Variants in KIAA2012 observed in about 807,000 individuals in gnomAD.
KIAA2012 encodes the protein KIAA2012, also known as uncharacterized protein KIAA2012.
In KIAA2012, 125 loss-of-function variants were observed where a neutral mutation model predicts 150.6. That is an observed-to-expected ratio of 0.83 (90% CI 0.72 to 0.96). KIAA2012 has a LOEUF of 0.96. KIAA2012 is among the 40% of genes least tolerant of loss of function. KIAA2012 has a pLI of 0.00. For synonymous variants in KIAA2012, 462 were observed against 504.7 expected (o/e 0.92, Z 1.13); for missense variants, 1,219 against 1,354.9 (o/e 0.90, Z 1.57).
At chr2:202,182,753 CT>C (rs769871533) in intron 15 of KIAA2012, among the ~76,000 whole-genome samples, 2 of 152,110 alleles carry the variant, frequency 1.3e-5, no homozygotes, top group South Asian at 4.1e-4. Flanking sequence ...AATTATTTTC[CT>C]TAGTGGTTGT....
intron 2 of KIAA2012, among the ~76,000 whole-genome samples, chr2:202,087,510 CAAA>C (rs59728832): frequency 0.11 from 5,573 of 52,216 alleles, 79 homozygotes; most frequent in East Asian, 0.23. Flanking sequence ...GAAACCATCT[CAAA>C]AAAAAAAAAA....
rs1038268583 is a variant in KIAA2012 at position 202,187,181 on chromosome 2, T to C, written c.2376+83T>C. On this transcript the variant is annotated intron_variant, in intron 17 of 23. Coordinates refer to ENST00000498697, the MANE Select transcript of KIAA2012 (RefSeq NM_001277372.4). ...TACCATGCACAGTTGTATAGATTGC[T>C]CACTATATGAGGGCACCCGATAAAG... 7 of 1,450,762 alleles carry C rather than the reference T, an allele frequency of 4.8e-6. No individual in the cohort carries two copies. The African/African-American group carries it at 7.1e-5, about 15-fold the overall frequency. The allele number at this position is 1,450,762 out of a possible 1,614,324, so 89.9% of individuals were successfully genotyped here.
At chr2:202,171,417 A>G (rs1054120925) in intron 15 of KIAA2012, among the ~76,000 whole-genome samples, 2 of 151,996 alleles carry the variant, frequency 1.3e-5, no homozygotes, top group African/African-American at 2.4e-5. Context: ...TATGGCTTCA[A>G]TAGCGCCGCT....
Position 202,188,319 on chromosome 2 carries a change from C to T in KIAA2012, c.2491+53C>T, listed in dbSNP as rs1225741027. On this transcript the variant is annotated intron_variant, in intron 18 of 23. Transcript: ENST00000498697. ...CCTGGAGAAGACTTCTGTTAGGGGT[C>T]GGGAGGTGGTATGGATAATTAGCAT... 16 of 1,421,124 alleles carry T rather than the reference C, an allele frequency of 1.1e-5. No homozygotes were observed. In the East Asian group the frequency reaches 1.7e-4, roughly 15 times the overall value. 88.0% of individuals were successfully genotyped at this position (1,421,124 alleles called of 1,614,324 possible).
Position 202,196,894 on chromosome 2 carries a change from C to T in KIAA2012, c.3282C>T (p.Tyr1094=). The change falls in exon 22 of 24, where the codon TAC becomes TAT. Residue 1094 remains tyrosine, a synonymous_variant. Coordinates refer to ENST00000498697, the MANE Select transcript of KIAA2012 (RefSeq NM_001277372.4). ...TGGCTGAAGAGGAACGACTGGAGTA[C>T]CAGCGGCGGAAACAGGAAGCAGAAG... is the stretch of plus-strand genomic sequence containing the variant. ...MEMAEEERLE[Y]QRRKQEAEEK... 6.4e-7 allele frequency: 1 copy of T among 1,550,560 alleles called. No homozygotes were observed. The highest frequency in any genetic ancestry group is 8.7e-7 in the Non-Finnish European group (1 of 1,146,962).
At chr2:202,099,303 G>T (rs10931991) in intron 5 of KIAA2012, among the ~76,000 whole-genome samples, 1 of 152,054 alleles carries the variant, frequency 6.6e-6, no homozygotes, top group Non-Finnish European at 1.5e-5. Flanking sequence ...GAAACATTTC[G>T]TAATGGATAA....
chr2:202,101,946 G>A (rs1401064267), intron 7 of KIAA2012, among the ~76,000 whole-genome samples: 1 of 151,866 alleles, frequency 6.6e-6, no homozygotes, highest in East Asian at 1.9e-4. Flanking sequence ...ACACTAGAAG[G>A]GTGTCTGACT....
At chr2:202,129,703 G>A (rs567507826) in intron 12 of KIAA2012, among the ~76,000 whole-genome samples, 2 of 152,182 alleles carry the variant, frequency 1.3e-5, no homozygotes, top group East Asian at 3.9e-4. Flanking sequence ...CGGTGTGGTG[G>A]CTCATGGCTG....
At chr2:202,116,913 G>A (rs1690543277) in intron 11 of KIAA2012, 1 of 152,232 alleles carries the variant, frequency 6.6e-6, no homozygotes, top group Admixed American at 6.5e-5. Flanking sequence ...CACCATGTCT[G>A]TGATGAGGCC....
intron 10 of KIAA2012, among the ~76,000 whole-genome samples, chr2:202,112,707 G>A (rs143928223): frequency 3.5e-4 from 54 of 152,344 alleles, no homozygotes; most frequent in East Asian, 1.9e-3. Flanking sequence ...GGGAAACCCC[G>A]CAATCTAGTC....
intron 2 of KIAA2012, among the ~76,000 whole-genome samples, chr2:202,082,144 C>G (rs916689642): frequency 6.6e-6 from 1 of 152,070 alleles, no homozygotes; most frequent in East Asian, 1.9e-4. Context: ...CTATTCAAGT[C>G]TTTTGCCCAT....
chr2:202,148,210 C>T (rs1691341244), intron 13 of KIAA2012, among the ~76,000 whole-genome samples: 1 of 152,118 alleles, frequency 6.6e-6, no homozygotes, highest in Non-Finnish European at 1.5e-5. Context: ...GGTAGGGAAG[C>T]TGAGGCACAG....
intron 4 of KIAA2012, 112 bp from the exon 5 acceptor site, chr2:202,097,322 GA>G: frequency 6.8e-7 from 1 of 1,465,678 alleles, no homozygotes; most frequent in Non-Finnish European, 9.1e-7. Flanking sequence ...GGGAGCAAGG[GA>G]GGGCCTTGAG....
chr2:202,174,645 A>G (rs1691956899), intron 15 of KIAA2012, among the ~76,000 whole-genome samples: 2 of 152,248 alleles, frequency 1.3e-5, no homozygotes, highest in South Asian at 2.1e-4. Flanking sequence ...AGAGCAGCAC[A>G]GTGAATCCCA....
chr2:202,098,817 T>TGTGC (rs1689963939), intron 5 of KIAA2012, among the ~76,000 whole-genome samples: 3 of 145,048 alleles, frequency 2.1e-5, no homozygotes, highest in Middle Eastern at 3.6e-3. Context: ...TGTGTGTGTG[T>TGTGC]GTGCACGCGC....
In KIAA2012 at chr2:202,104,276, T is replaced by C. The variant is rs957403943; in HGVS notation, c.1324+1162T>C. Among the ~76,000 whole-genome samples, 1 of 152,042 alleles carries C rather than the reference T, an allele frequency of 6.6e-6. No homozygotes were observed. Among genetic ancestry groups the C allele is most frequent in the Non-Finnish European group, 1.5e-5 (1 of 68,016 alleles). ...ACCTTGCCAAAAAAAATTACTCAGC[T>C]CCCTAAAAAAAATAATAATAATAAA... On this transcript the variant is annotated intron_variant, in intron 8 of 23. Transcript: ENST00000498697. This position sits in a 1 kb window ranked among gnomAD's most constrained non-coding sequence, Gnocchi z 4.3.
intron 11 of KIAA2012, among the ~76,000 whole-genome samples, chr2:202,123,686 C>CA (rs1690709540): frequency 6.6e-6 from 1 of 152,076 alleles, no homozygotes; most frequent in Non-Finnish European, 1.5e-5. Flanking sequence ...GACGATGAAG[C>CA]AAAAAATAAA....
intron 11 of KIAA2012, chr2:202,115,460 G>C (rs62195578): frequency 4.6e-4 from 70 of 152,142 alleles, no homozygotes; most frequent in African/African-American, 1.6e-3. Context: ...ATAGCTTTAA[G>C]TTCATCTTTT....
chr2:202,186,908 T>C (rs1158032321), intron 16 of KIAA2012, 25 bp from the exon 17 acceptor site: 1 of 1,546,686 alleles, frequency 6.5e-7, no homozygotes, highest in Non-Finnish European at 8.7e-7. Flanking sequence ...TTTAGTTTGG[T>C]CCTGTTGGTT....
Sources: allele counts gnomAD v4.1 joint callset (sites outside exome capture counted in the v4.1 genomes callset), GRCh38; gene constraint gnomAD v4.1.1; non-coding constraint Gnocchi (gnomAD v3.1); transcripts MANE v1.5; gene names NCBI Gene and HGNC (gene_info 2026-07-23, HGNC 2026-07-21).